TNK2: variants seen among roughly 807,000 people sequenced by gnomAD.
TNK2 encodes activated CDC42 kinase 1.
In TNK2, 83 loss-of-function variants were observed where a neutral mutation model predicts 101.8. That is an observed-to-expected ratio of 0.82 (90% CI 0.68 to 0.98). The LOEUF is 0.98. Ranked by LOEUF, TNK2 falls within the 50% of genes least tolerant of loss-of-function variation. The pLI is 0.00. For missense variants in TNK2, 1,665 were observed against 1,483.2 expected (o/e 1.12, Z -2.01); for synonymous variants, 804 against 633.0 (o/e 1.27, Z -4.06).
Position 195,885,701 on chromosome 3 carries a change from G to A in TNK2, c.235-668C>T, listed in dbSNP as rs1755309765. The stretch of plus-strand genomic sequence containing the variant: ...GGCTGAGACGGAAGGAAAAGTGGAG[G>A]AGACTCGGAGGCCAGGGTGGACAGG... On this transcript the variant is annotated intron_variant, in intron 3 of 15. Transcript: ENST00000672887. The surrounding 1 kb of genome is among the most constrained non-coding windows in gnomAD (Gnocchi z 4.7). The A allele has an allele frequency of 4.1e-6, 3 of 725,902 alleles. No individual in the cohort carries two copies. Among genetic ancestry groups the A allele is most frequent in the South Asian group, 1.6e-5 (1 of 62,586 alleles). 45.0% of individuals were successfully genotyped at this position (725,902 alleles called of 1,614,324 possible).
intron 10 of TNK2, 129 bp from the exon 11 acceptor site, chr3:195,870,334 T>C (rs777146036): frequency 1.7e-5 from 26 of 1,526,658 alleles, no homozygotes; most frequent in Non-Finnish European, 2.3e-5. Flanking sequence ...GCCTCCCGCC[T>C]CCCAGTCCAC....
Position 195,867,887 on chromosome 3 carries a change from G to A in TNK2, c.2411C>T (p.Ser804Leu), listed in dbSNP as rs745326890. 11 of 1,528,632 alleles carry A rather than the reference G, an allele frequency of 7.2e-6. No individual in the cohort carries two copies. The highest frequency in any genetic ancestry group is 2.3e-5 in the East Asian group (1 of 43,956). 94.7% of individuals were successfully genotyped at this position (1,528,632 alleles called of 1,614,324 possible). ...TGGTACCAGGGGGCTGGGTGTCCTC[G>A]AGCCTTGAGGGGACAGGGGCTCCCG... ...PPREPLSPQG[S>L]RTPSPLVPPG... The change falls in exon 13 of 16, where the codon TCG becomes TTG. Residue 804 changes from serine to leucine, a missense_variant. Ser to Leu is a moderately radical substitution (Grantham distance 145). Transcript: ENST00000672887.
chr3:195,867,534 C>T lies in TNK2; in HGVS notation c.2764G>A (p.Ala922Thr). The T allele has an allele frequency of 6.5e-7, 1 of 1,535,754 alleles. No individual in the cohort carries two copies. Among genetic ancestry groups the T allele is most frequent in the Non-Finnish European group, 8.7e-7 (1 of 1,149,154 alleles). ...PSTPAPAAPTATVRPMPQAAL... is the reference protein window; with the variant it reads ...PSTPAPAAPTTTVRPMPQAAL... ...GCCTGGGGCATCGGCCGCACGGTGGCCGTGGGGGCGGCGGGGGCTGGGGTG... is the reference window on the plus strand; with the variant it reads ...GCCTGGGGCATCGGCCGCACGGTGGTCGTGGGGGCGGCGGGGGCTGGGGTG... Residue 922 changes from alanine to threonine, a missense_variant, in exon 13 of 16, where the codon GCC becomes ACC. By Grantham distance (58) the Ala-to-Thr change is moderately conservative. Around this residue, in one of 3 missense-constraint regions of TNK2, gnomAD observed 1,136 missense variants for 894.9 expected, o/e 1.27. Coordinates refer to ENST00000672887, the MANE Select transcript of TNK2 (RefSeq NM_001382273.1).
intron 10 of TNK2, 97 bp from the exon 11 acceptor site, chr3:195,870,302 T>C (rs986294196): frequency 6.4e-7 from 1 of 1,553,446 alleles, no homozygotes; most frequent in Non-Finnish European, 8.7e-7. Context: ...AAACCGGGTG[T>C]AGTCTTGGGT....
chr3:195,870,055 A>C, intron 11 of TNK2, 59 bp downstream of exon 11: 1 of 1,284,186 alleles, frequency 7.8e-7, no homozygotes. Flanking sequence ...CTGTGAAGAC[A>C]GTGCCCCTTC....
At chr3:195,865,793 G>C (rs1740444889) in intron 15 of TNK2, among the ~76,000 whole-genome samples, 1 of 151,454 alleles carries the variant, frequency 6.6e-6, no homozygotes, top group African/African-American at 2.4e-5. Context: ...GGACAGACAG[G>C]TGACACGGAG....
At position 195,869,490 on chromosome 3, in the gene TNK2, C is replaced by T. The variant is rs1278996531; in HGVS notation, c.1588+7G>A. The T allele has an allele frequency of 1.5e-5, 24 of 1,550,498 alleles. No individual in the cohort carries two copies. The highest frequency in any genetic ancestry group is 2.0e-5 in the Non-Finnish European group (23 of 1,146,908). ...GGGGCCAAGGCATCGGAAGCAGCCC[C>T]ACTTACTCTGAGTGAAGAAGGCAGG... On this transcript the variant is annotated splice_region_variant and intron_variant, in intron 12 of 15. Transcript: ENST00000672887.
chr3:195,867,386 C>G lies in TNK2; in HGVS notation c.2912G>C (p.Gly971Ala). 1 of 1,605,810 alleles carries G rather than the reference C, an allele frequency of 6.2e-7. No homozygotes were observed. The highest frequency in any genetic ancestry group is 8.5e-7 in the Non-Finnish European group (1 of 1,177,978). ...RGCPGDGPEA[G>A]RPADKIQMLQ... ...CATCTGGATCTTGTCTGCTGGCCGG[C>G]CCGCCTCTGGCCCATCGCCAGGGCA... Residue 971 changes from glycine to alanine, a missense_variant, in exon 13 of 16, where the codon GGC (glycine) becomes GCC (alanine). Gly to Ala is a moderately conservative substitution (Grantham distance 60). Around this residue, in one of 3 missense-constraint regions of TNK2, gnomAD observed 1,136 missense variants for 894.9 expected, o/e 1.27. Transcript: ENST00000672887.
intron 10 of TNK2, among the ~76,000 whole-genome samples, chr3:195,870,584 G>A (rs1435105191): frequency 1.3e-5 from 2 of 152,244 alleles, no homozygotes; most frequent in Non-Finnish European, 2.9e-5. Context: ...CAGCTATGGT[G>A]CCCAGCCAGG....
In TNK2 at chr3:195,894,038, G is replaced by C. The variant is rs1259103308; in HGVS notation, c.-18-5432C>G. Among the ~76,000 whole-genome samples the C allele has an allele frequency of 2.0e-5, 3 of 152,084 alleles. No homozygotes were observed. In the East Asian group the frequency reaches 5.8e-4, roughly 29 times the overall value. On this transcript the variant is annotated intron_variant, in intron 1 of 15. Transcript: ENST00000672887. The stretch of plus-strand genomic sequence containing the variant: ...AGATGGCAGGTGTGGATGGAGTGGG[G>C]GCTGAGGTCAGGTGGACAAGATCAG...
chr3:195,899,353 A>C (rs1237883371), intron 1 of TNK2, among the ~76,000 whole-genome samples: 4 of 151,640 alleles, frequency 2.6e-5, no homozygotes, highest in African/African-American at 9.7e-5. Context: ...TTTGAGATGG[A>C]GTCTTGCTCT....
At chr3:195,868,870 C>A in intron 12 of TNK2, 161 bp from the exon 13 acceptor site, 2 of 801,732 alleles carry the variant, frequency 2.5e-6, no homozygotes, top group African/African-American at 1.8e-5. Context: ...AGGTTCTCAG[C>A]GCACCTCCGA....
intron 1 of TNK2, among the ~76,000 whole-genome samples, chr3:195,890,424 T>A (rs780400627): frequency 2.0e-4 from 30 of 151,130 alleles, no homozygotes; most frequent in African/African-American, 7.3e-4. Flanking sequence ...ACTTTATATA[T>A]AAATAAGAAA....
At position 195,891,569 on chromosome 3, in the gene TNK2, C is replaced by T. The variant is rs1218803695; in HGVS notation, c.-18-2963G>A. Among the ~76,000 whole-genome samples, 70 of 152,254 alleles carry T rather than the reference C, an allele frequency of 4.6e-4. 1 individual carries two copies. Among genetic ancestry groups the T allele is most frequent in the Non-Finnish European group, 5.9e-5 (4 of 68,020 alleles). On this transcript the variant is annotated intron_variant, in intron 1 of 15. Transcript: ENST00000672887. ...CGTCGTGGCTTTCCGGAAGCAAGCC[C>T]AGAGGCACACTAGGAGTCACGGGCC...
In TNK2 at chr3:195,884,944, TG is replaced by T; in HGVS notation, c.323del (p.Pro108GlnfsTer46). On this transcript the variant is annotated frameshift_variant, in exon 4 of 16. Coordinates refer to ENST00000672887, the MANE Select transcript of TNK2 (RefSeq NM_001382273.1). LOFTEE classifies it high-confidence loss of function. The part of the protein sequence containing the change: ...FRKTSPAPGG[P>X]AGEGPLQSLT... The stretch of plus-strand genomic sequence containing the variant: ...GGCTCTGCAGGGGCCCCTCCCCTGC[TG>T]GGCCCCCAGGGGCGGGCGAGGTCTT... The T allele has an allele frequency of 6.2e-7, 1 of 1,613,852 alleles. No individual in the cohort carries two copies. The highest frequency in any genetic ancestry group is 8.5e-7 in the Non-Finnish European group (1 of 1,179,924).
In TNK2 at chr3:195,867,399, C is replaced by T. The variant is rs760891753; in HGVS notation, c.2899G>A (p.Gly967Arg). Residue 967 changes from glycine (G) to arginine (R), a missense_variant, in exon 13 of 16, where the codon GGG (glycine) becomes AGG (arginine). Coordinates refer to ENST00000672887, the MANE Select transcript of TNK2 (RefSeq NM_001382273.1). ...TCTGCTGGCCGGCCCGCCTCTGGCC[C>T]ATCGCCAGGGCAGCCCCTCTGTGGC... ...RLPQRGCPGDGPEAGRPADKI... is the reference protein window; with the variant it reads ...RLPQRGCPGDRPEAGRPADKI... The T allele has an allele frequency of 1.2e-5, 20 of 1,605,172 alleles. No individual in the cohort carries two copies. Among genetic ancestry groups the T allele is most frequent in the Non-Finnish European group, 1.7e-5 (20 of 1,178,312 alleles).
chr3:195,902,461 T>C (rs1761299790), intron 1 of TNK2, among the ~76,000 whole-genome samples: 1 of 151,662 alleles, frequency 6.6e-6, no homozygotes, highest in Admixed American at 6.6e-5. Flanking sequence ...CTACTAAAAA[T>C]ACAAAAGTTA....
intron 1 of TNK2, among the ~76,000 whole-genome samples, chr3:195,891,559 G>A (rs1459333176): frequency 6.6e-6 from 1 of 152,194 alleles, no homozygotes; most frequent in Non-Finnish European, 1.5e-5. Context: ...TGGCTTTCCG[G>A]AAGCAAGCCC....
chr3:195,899,375 G>A (rs1421499004), intron 1 of TNK2, among the ~76,000 whole-genome samples: 1 of 151,994 alleles, frequency 6.6e-6, no homozygotes, highest in Non-Finnish European at 1.5e-5. Flanking sequence ...TTGCCAGGCT[G>A]GAGTGCCATG....
Sources: gnomAD v4.1 joint callset for allele counts (sites outside exome capture counted in the v4.1 genomes callset) on GRCh38, gnomAD v4.1.1 for gene constraint, gnomAD v4.1.1 regional missense constraint, Gnocchi (gnomAD v3.1) non-coding constraint, MANE v1.5 for transcripts, NCBI Gene and HGNC (gene_info 2026-07-23, HGNC 2026-07-21) for gene names.